The following BMP7 variants were observed in gnomAD, a reference collection of about 807,000 sequenced individuals.
BMP7 encodes the protein bone morphogenetic protein 7.
In BMP7, 12 loss-of-function variants were observed where a neutral mutation model predicts 41.2. The ratio of observed to expected loss-of-function variants is 0.29; its 90% CI spans 0.19 to 0.47. The LOEUF (loss-of-function observed/expected upper bound fraction) is 0.47. Among genes scored for constraint, BMP7 ranks in the 20% least tolerant of loss-of-function variants. The pLI is 0.99. For synonymous variants in BMP7, 248 were observed against 250.0 expected, an observed-to-expected ratio of 0.99 and a Z score of 0.07; for missense variants, 467 against 606.0, an observed-to-expected ratio of 0.77 and a Z score of 2.41.
In BMP7 at chr20:57,266,226, A is replaced by T. The variant is rs2066178087; in HGVS notation, c.-104T>A. On this transcript the variant is annotated 5_prime_UTR_variant, in exon 1 of 7. Transcript: ENST00000395863. ...TCCGCGCCGCTCGGTCACTTGCTGC[A>T]GACGGGCCCCGCTGCGCCCGCGCCA... The T allele has an allele frequency of 1.4e-5, 17 of 1,220,162 alleles. No individual in the cohort carries two copies. In the South Asian group the frequency reaches 3.5e-4, roughly 25 times the overall value. 75.6% of individuals were successfully genotyped at this position (1,220,162 alleles called of 1,614,324 possible). A position where few individuals can be genotyped will look rare whatever the true frequency, so the allele number is the denominator to read the frequency against.
chr20:57,178,303 T>C (rs1226941744), intron 4 of BMP7, among the ~76,000 whole-genome samples: 1 of 152,112 alleles, frequency 6.6e-6, no homozygotes, highest in Non-Finnish European at 1.5e-5. Context: ...ATGAGGAAGC[T>C]GGGGCCTGGG....
chr20:57,256,199 A>G (rs190058040), intron 1 of BMP7, among the ~76,000 whole-genome samples: 1 of 152,354 alleles, frequency 6.6e-6, no homozygotes, highest in Admixed American at 6.5e-5. Context: ...AGGAAAAGAT[A>G]TATTACAATT....
chr20:57,258,762 T>G (rs570193170), intron 1 of BMP7, among the ~76,000 whole-genome samples: 2 of 152,316 alleles, frequency 1.3e-5, no homozygotes, highest in South Asian at 4.1e-4. Context: ...CGCACACATA[T>G]TCACACTCTG....
Position 57,174,963 on chromosome 20 carries a change from G to C in BMP7, c.1003C>G (p.Leu335Val). ...DQRQACKKHE[L>V]YVSFRDLGWQ... The stretch of plus-strand genomic sequence containing the variant: ...CCCAGGTCTCGGAAGCTGACATACA[G>C]CTCGTGCTTCTTACAGGCCTGCCTC... The change falls in exon 5 of 7, where the codon CTG becomes GTG. Residue 335 changes from leucine to valine, a missense_variant. Coordinates refer to ENST00000395863, the MANE Select transcript of BMP7 (RefSeq NM_001719.3). This position sits in a 1 kb window ranked among gnomAD's most constrained non-coding sequence, Gnocchi z 4.3. 6.2e-7 allele frequency: 1 copy of C among 1,612,330 alleles called. No individual in the cohort carries two copies.
rs536388485 is a variant in BMP7 at position 57,216,745 on chromosome 20, G to A, written c.611+11484C>T. 3.9e-5 allele frequency among the ~76,000 whole-genome samples: 6 copies of A among 152,284 alleles called. No individual in the cohort carries two copies. The East Asian group carries it at 1.2e-3, about 29-fold the overall frequency. ...AAGGTGTGTGGGGAGGGGAAGCCTC[G>A]AGGTCTGCGGCTCAGCGGGTCCATC... On this transcript the variant is annotated intron_variant, in intron 2 of 6. Coordinates refer to ENST00000395863, the MANE Select transcript of BMP7 (RefSeq NM_001719.3).
chr20:57,258,777 C>A (rs1407920579), intron 1 of BMP7, among the ~76,000 whole-genome samples: 1 of 152,132 alleles, frequency 6.6e-6, no homozygotes, highest in Non-Finnish European at 1.5e-5. Flanking sequence ...ACTCTGGGGA[C>A]CATTTTCTTG....
At chr20:57,250,294 T>TA (rs11086604) in intron 1 of BMP7, among the ~76,000 whole-genome samples, 78,283 of 146,292 alleles carry the variant, frequency 0.54, 22,097 homozygotes, top group African/African-American at 0.72. Context: ...TATATTTTTA[T>TA]TAAATATATT....
Position 57,266,383 on chromosome 20 carries a change from A to G in BMP7, c.-261T>C. 4.8e-6 allele frequency: 1 copy of G among 207,856 alleles called. No homozygotes were observed. The highest frequency in any genetic ancestry group is 9.4e-6 in the Non-Finnish European group (1 of 105,850). 12.9% of individuals were successfully genotyped at this position (207,856 alleles called of 1,614,324 possible). A position where few individuals can be genotyped will look rare whatever the true frequency, so the allele number is the denominator to read the frequency against. ...TTGGAAAGCAGCCCCGGCGAACGAA[A>G]AGGCGAGTGAGGAGGCGGGCGCGGG... On this transcript the variant is annotated 5_prime_UTR_variant, in exon 1 of 7. Coordinates refer to ENST00000395863, the MANE Select transcript of BMP7 (RefSeq NM_001719.3).
chr20:57,264,705 G>T (rs1422420940), intron 1 of BMP7, among the ~76,000 whole-genome samples: 1 of 152,166 alleles, frequency 6.6e-6, no homozygotes, highest in Non-Finnish European at 1.5e-5. Context: ...AGATTCTGCC[G>T]GCCCGGGACC....
Position 57,265,821 on chromosome 20 carries a change from T to A in BMP7, c.302A>T (p.Gln101Leu), listed in dbSNP as rs771732616. 6.2e-7 allele frequency: 1 copy of A among 1,607,234 alleles called. No individual in the cohort carries two copies. Among genetic ancestry groups the A allele is most frequent in the Non-Finnish European group, 8.5e-7 (1 of 1,177,378 alleles). ...AVEEGGGPGG[Q>L]GFSYPYKAVF... ...GGCCTTGTAGGGGTAGGAGAAGCCCTGGCCGCCGGGCCCGCCGCCCTCCTC... is the reference window on the plus strand; with the variant it reads ...GGCCTTGTAGGGGTAGGAGAAGCCCAGGCCGCCGGGCCCGCCGCCCTCCTC... Residue 101 changes from glutamine to leucine, a missense_variant, in exon 1 of 7, where the codon CAG becomes CTG. Transcript: ENST00000395863.
At chr20:57,188,332 T>C (rs1282249458) in intron 3 of BMP7, among the ~76,000 whole-genome samples, 1 of 152,158 alleles carries the variant, frequency 6.6e-6, no homozygotes, top group Non-Finnish European at 1.5e-5. Flanking sequence ...TTACACGAAA[T>C]GGAAGAAGCC....
At chr20:57,258,238 T>C (rs1600647271) in intron 1 of BMP7, among the ~76,000 whole-genome samples, 1 of 152,216 alleles carries the variant, frequency 6.6e-6, no homozygotes, top group Non-Finnish European at 1.5e-5. Flanking sequence ...AAGTCTTGAA[T>C]GAGAAACGCC....
intron 1 of BMP7, among the ~76,000 whole-genome samples, chr20:57,242,760 TGGGA>T (rs1285430389): frequency 3.3e-5 from 5 of 152,212 alleles, no homozygotes; most frequent in African/African-American, 1.2e-4. Context: ...CCCAGCACTT[TGGGA>T]GGGCAAGGTG....
Position 57,216,209 on chromosome 20 carries a change from G to A in BMP7, c.611+12020C>T, listed in dbSNP as rs528397870. On this transcript the variant is annotated intron_variant, in intron 2 of 6. Transcript: ENST00000395863. ...AGGCCCTCACCAGGTCCCAGAAGCT[G>A]TGCCGGTGCCAAAGCTGCCCCTTGC... 2.6e-5 allele frequency among the ~76,000 whole-genome samples: 4 copies of A among 152,306 alleles called. No homozygotes were observed. In the South Asian group the frequency reaches 8.3e-4, roughly 32 times the overall value.
chr20:57,204,519 A>G (rs1984690520), intron 2 of BMP7, among the ~76,000 whole-genome samples: 1 of 152,260 alleles, frequency 6.6e-6, no homozygotes, highest in Admixed American at 6.5e-5. Flanking sequence ...AACCAGGGTC[A>G]GAAACAGACA....
At chr20:57,236,626 C>T (rs554191432) in intron 1 of BMP7, among the ~76,000 whole-genome samples, 14 of 152,220 alleles carry the variant, frequency 9.2e-5, no homozygotes, top group Non-Finnish European at 1.6e-4. Context: ...AGAGGACTGG[C>T]AGGGCAAGAT....
chr20:57,247,095 T>G (rs1227782547), intron 1 of BMP7, among the ~76,000 whole-genome samples: 1 of 152,146 alleles, frequency 6.6e-6, no homozygotes, highest in Non-Finnish European at 1.5e-5. Flanking sequence ...TGTAATCAGA[T>G]AGTAGACACA....
At chr20:57,230,410 CG>C (rs113397206) in intron 1 of BMP7, among the ~76,000 whole-genome samples, 31 of 152,130 alleles carry the variant, frequency 2.0e-4, no homozygotes, top group African/African-American at 7.2e-4. Context: ...GGACTGCCCC[CG>C]GCCAGTCCTC....
chr20:57,240,849 G>C (rs1345020144), intron 1 of BMP7, among the ~76,000 whole-genome samples: 1 of 151,600 alleles, frequency 6.6e-6, no homozygotes, highest in Non-Finnish European at 1.5e-5. Context: ...ACCTCCCCCT[G>C]GGTGCCTCCC....
Sources: allele counts gnomAD v4.1 joint callset (sites outside exome capture counted in the v4.1 genomes callset), GRCh38; gene constraint gnomAD v4.1.1; non-coding constraint Gnocchi (gnomAD v3.1); transcripts MANE v1.5; gene names NCBI Gene and HGNC (gene_info 2026-07-23, HGNC 2026-07-21).